Variants in PDZD9 observed in about 807,000 individuals in gnomAD.
The protein encoded by PDZD9 is PDZ domain-containing protein 9.
A neutral mutation model predicts 16.3 loss-of-function variants in PDZD9; 13 were observed. That is an observed-to-expected ratio of 0.80 (90% CI 0.52 to 1.27). PDZD9 has a LOEUF of 1.27. Ranked by LOEUF, PDZD9 falls within the 50% of genes most tolerant of loss-of-function variation. The pLI is 0.00. For synonymous variants in PDZD9, 120 were observed against 111.0 expected (o/e 1.08, Z -0.51); for missense variants, 288 against 310.9 (o/e 0.93, Z 0.55).
the PDZD9 span, chr16:21,971,418 G>T: frequency 2.3e-6 from 2 of 874,556 alleles, no homozygotes. Flanking sequence ...TATTTATTTT[G>T]TAGTGTTAGG....
At position 21,996,315 on chromosome 16, in the gene PDZD9, C is replaced by G; in HGVS notation, c.211+7G>C. 6.5e-7 allele frequency: 1 copy of G among 1,533,776 alleles called. No individual in the cohort carries two copies. The highest frequency in any genetic ancestry group is 8.7e-7 in the Non-Finnish European group (1 of 1,145,928). ...GTGGTTGGGAAGCATGGCGAAAGGGCAATCACCTGGCTGGAGTTTCCCGTC... is the reference window on the plus strand; with the variant it reads ...GTGGTTGGGAAGCATGGCGAAAGGGGAATCACCTGGCTGGAGTTTCCCGTC... On this transcript the variant is annotated splice_region_variant and intron_variant, in intron 2 of 3. Transcript: ENST00000424898.
chr16:21,979,909 C>T (rs970438198), downstream of PDZD9, among the ~76,000 whole-genome samples: 1 of 152,110 alleles, frequency 6.6e-6, no homozygotes, highest in Non-Finnish European at 1.5e-5. Context: ...CCTTGAATTT[C>T]GATCTTTTCC....
chr16:21,958,399 AATTCTTAAC>A, the PDZD9 span: 7 of 758,716 alleles, frequency 9.2e-6, no homozygotes, highest in Non-Finnish European at 1.5e-5. Flanking sequence ...CTTGTTTTAT[AATTCTTAAC>A]TAAAAAGGAT....
intron 2 of PDZD9, among the ~76,000 whole-genome samples, chr16:21,991,059 C>T (rs1899009376): frequency 6.6e-6 from 1 of 152,076 alleles, no homozygotes; most frequent in African/African-American, 2.4e-5. Context: ...TCTTTTTCAT[C>T]TCTCCCAACT....
chr16:21,984,712 A>G (rs1898832666), intron 3 of PDZD9, 52 bp from the exon 4 acceptor site: 2 of 1,390,746 alleles, frequency 1.4e-6, no homozygotes, highest in Admixed American at 2.6e-5. Flanking sequence ...CTAAACATTT[A>G]TGGTCCCCTA....
At chr16:21,977,186 T>C in the PDZD9 span, among the ~76,000 whole-genome samples, 1 of 152,200 alleles carries the variant, frequency 6.6e-6, no homozygotes, top group East Asian at 1.9e-4. Context: ...ACACTGTCTT[T>C]ACAAAAAGAT....
At chr16:21,976,115 C>A in the PDZD9 span, 1 of 1,286,498 alleles carries the variant, frequency 7.8e-7, no homozygotes, top group Non-Finnish European at 1.1e-6. Context: ...GTCAGTGCTG[C>A]AGGAGACTCT....
At chr16:21,967,153 G>A in the PDZD9 span, among the ~76,000 whole-genome samples, 1 of 152,112 alleles carries the variant, frequency 6.6e-6, no homozygotes, top group Non-Finnish European at 1.5e-5. Context: ...ATTGGCGCTA[G>A]AATACTTGGA....
At chr16:21,986,472 A>G (rs1021305857) in intron 3 of PDZD9, among the ~76,000 whole-genome samples, 3 of 152,194 alleles carry the variant, frequency 2.0e-5, no homozygotes, top group Non-Finnish European at 2.9e-5. Context: ...ACATGAGCCC[A>G]GGCTTTTAGA....
chr16:21,960,894 A>C, the PDZD9 span, among the ~76,000 whole-genome samples: 1 of 152,016 alleles, frequency 6.6e-6, no homozygotes, highest in East Asian at 1.9e-4. Flanking sequence ...GGAGTGGTGC[A>C]GACATACCTT....
chr16:22,000,868 ATG>A (rs1899281671), intron 1 of PDZD9, 147 bp downstream of exon 1: 2 of 692,840 alleles, frequency 2.9e-6, no homozygotes, highest in Non-Finnish European at 5.0e-6. Context: ...GATGATGATG[ATG>A]ATGATAATGA....
chr16:21,992,372 C>T (rs147271091), intron 2 of PDZD9, among the ~76,000 whole-genome samples: 43 of 152,222 alleles, frequency 2.8e-4, no homozygotes, highest in African/African-American at 7.9e-4. Flanking sequence ...TTAGGTGTGA[C>T]GGTTAATATT....
the PDZD9 span, among the ~76,000 whole-genome samples, chr16:21,969,956 A>G: frequency 6.6e-6 from 1 of 150,746 alleles, no homozygotes; most frequent in Admixed American, 6.6e-5. Flanking sequence ...ACTGCCTTGA[A>G]CTCCTAGGCT....
chr16:21,983,268 T>C, downstream of PDZD9: 2 of 1,114,738 alleles, frequency 1.8e-6, no homozygotes, highest in Non-Finnish European at 2.6e-6. Context: ...CATTTGTCTT[T>C]TTTCCAGTGA....
At chr16:21,961,385 T>C in the PDZD9 span, 1 of 428,296 alleles carries the variant, frequency 2.3e-6, no homozygotes, top group Admixed American at 2.5e-5. Flanking sequence ...CATTACGGAA[T>C]GAACTAGATC....
the PDZD9 span, chr16:21,968,723 C>G: frequency 6.4e-7 from 1 of 1,573,634 alleles, no homozygotes; most frequent in Non-Finnish European, 8.6e-7. Context: ...AGTTTGCTTC[C>G]TTAAGAGCAG....
the PDZD9 span, among the ~76,000 whole-genome samples, chr16:21,960,079 C>A: frequency 9.8e-4 from 150 of 152,306 alleles, 1 homozygote; most frequent in Non-Finnish European, 1.6e-3. Context: ...TAGTCCCCAA[C>A]AAGAGTCAGC....
chr16:21,961,839 A>T, the PDZD9 span, among the ~76,000 whole-genome samples: 1 of 150,862 alleles, frequency 6.6e-6, no homozygotes, highest in Non-Finnish European at 1.5e-5. Context: ...TTCAGTAGAG[A>T]CCATGGTTTC....
intron 2 of PDZD9, among the ~76,000 whole-genome samples, chr16:21,994,535 GT>G (rs1339412291): frequency 2.0e-5 from 3 of 152,222 alleles, no homozygotes; most frequent in Non-Finnish European, 4.4e-5. Context: ...AGGCTCTGAA[GT>G]CTGACAGAGA....
Sources: allele counts gnomAD v4.1 joint callset (sites outside exome capture counted in the v4.1 genomes callset), GRCh38; gene constraint gnomAD v4.1.1; transcripts MANE v1.5; gene names NCBI Gene and HGNC (gene_info 2026-07-23, HGNC 2026-07-21).